Variants in ITGB3 observed in about 807,000 individuals in gnomAD.
ITGB3 encodes the protein integrin beta-3.
ITGB3 carries 48 observed loss-of-function variants against 85.8 expected under a neutral mutation model. That is an observed-to-expected ratio of 0.56 (90% CI 0.44 to 0.71). The LOEUF (loss-of-function observed/expected upper bound fraction) is 0.71. ITGB3 is among the 30% of genes least tolerant of loss of function. The pLI is 0.00. For missense variants in ITGB3, 861 were observed against 1,019.1 expected, an observed-to-expected ratio of 0.84 and a Z score of 2.11; for synonymous variants, 363 against 395.6, an observed-to-expected ratio of 0.92 and a Z score of 0.98.
chr17:47,296,325 C>T (rs2065145781), intron 10 of ITGB3, among the ~76,000 whole-genome samples: 1 of 152,196 alleles, frequency 6.6e-6, no homozygotes, highest in South Asian at 2.1e-4. Flanking sequence ...CCTTGAACTC[C>T]TGGGCTCAAG....
chr17:47,279,089 A>T (rs1432822864), intron 2 of ITGB3, among the ~76,000 whole-genome samples: 1 of 152,334 alleles, frequency 6.6e-6, no homozygotes, highest in East Asian at 1.9e-4. Context: ...ACAACTATTC[A>T]TGTTGTACTT....
In ITGB3 at chr17:47,292,189, G is replaced by T. The variant is rs1439667740; in HGVS notation, c.1311G>T (p.Glu437Asp). Residue 437 changes from glutamate to aspartate, a missense_variant, in exon 10 of 15, where the codon GAG (glutamate) becomes GAT (aspartate). Glu to Asp is a conservative substitution (Grantham distance 45). Coordinates refer to ENST00000559488, the MANE Select transcript of ITGB3 (RefSeq NM_000212.3). ...TGCGAGGCTGTCCCCAGGAGAAGGAGAAGTCCTTTACCATAAAGCCCGTGG... is the reference window on the plus strand; with the variant it reads ...TGCGAGGCTGTCCCCAGGAGAAGGATAAGTCCTTTACCATAAAGCCCGTGG... ...AKVRGCPQEK[E>D]KSFTIKPVGF... 2.5e-6 allele frequency: 4 copies of T among 1,614,122 alleles called. No homozygotes were observed. In the African/African-American group the frequency reaches 5.3e-5, roughly 22 times the overall value.
intron 1 of ITGB3, among the ~76,000 whole-genome samples, chr17:47,267,073 A>G (rs1172208695): frequency 6.6e-6 from 1 of 152,240 alleles, no homozygotes; most frequent in Non-Finnish European, 1.5e-5. Context: ...TTTGAGACTC[A>G]GGATAAAAAC....
chr17:47,292,615 A>G (rs772441500), intron 10 of ITGB3, 47 bp downstream of exon 10: 1 of 1,584,218 alleles, frequency 6.3e-7, no homozygotes, highest in African/African-American at 1.3e-5. Context: ...ACACCCCCTC[A>G]TATACCTGCA....
At chr17:47,302,631 T>C (rs1016757736) in intron 12 of ITGB3, 90 bp from the exon 13 acceptor site, 7 of 1,495,520 alleles carry the variant, frequency 4.7e-6, no homozygotes, top group Middle Eastern at 1.7e-4. Context: ...TGTCACATAC[T>C]TCCCTGGAAG....
At chr17:47,276,518 C>T (rs546977514) in intron 2 of ITGB3, among the ~76,000 whole-genome samples, 1 of 152,260 alleles carries the variant, frequency 6.6e-6, no homozygotes, top group African/African-American at 2.4e-5. Context: ...ATGGGCGCAG[C>T]TAGGACCAAA....
At chr17:47,292,693 T>G in intron 10 of ITGB3, 125 bp downstream of exon 10, 1 of 973,186 alleles carries the variant, frequency 1.0e-6, no homozygotes. Flanking sequence ...CAGTGGTTCC[T>G]AATCTTTTTG....
At chr17:47,254,188 A>G (rs1269413599) in intron 1 of ITGB3, among the ~76,000 whole-genome samples, 1 of 151,916 alleles carries the variant, frequency 6.6e-6, no homozygotes, top group Non-Finnish European at 1.5e-5. Flanking sequence ...AGCCAGGCTG[A>G]GCGCCTTCCC....
Position 47,299,198 on chromosome 17 carries a change from G to A in ITGB3, c.1691-110G>A, listed in dbSNP as rs1567768517. On this transcript the variant is annotated intron_variant, in intron 10 of 14. Coordinates refer to ENST00000559488, the MANE Select transcript of ITGB3 (RefSeq NM_000212.3). This position sits in a 1 kb window ranked among gnomAD's most constrained non-coding sequence, Gnocchi z 5.1. The stretch of plus-strand genomic sequence containing the variant: ...GGTGAGCCAATTCCCTGCCAACCTG[G>A]AGGATCATTATCTGTGTGGTTGGGA... 2 of 1,083,040 alleles carry A rather than the reference G, an allele frequency of 1.8e-6. No homozygotes were observed. The highest frequency in any genetic ancestry group is 2.8e-6 in the Non-Finnish European group (2 of 722,420). The allele number at this position is 1,083,040 out of a possible 1,614,324, so 67.1% of individuals were successfully genotyped here.
At chr17:47,274,883 A>G (rs2065057506) in intron 2 of ITGB3, among the ~76,000 whole-genome samples, 1 of 151,890 alleles carries the variant, frequency 6.6e-6, no homozygotes, top group Non-Finnish European at 1.5e-5. Flanking sequence ...GACATAAGAG[A>G]TCCTCCTACC....
intron 2 of ITGB3, among the ~76,000 whole-genome samples, chr17:47,282,419 T>C (rs1392107163): frequency 6.6e-6 from 1 of 152,216 alleles, no homozygotes; most frequent in Non-Finnish European, 1.5e-5. Context: ...AAACTACTAT[T>C]CTACTTTTTG....
rs2065214362 is a variant in ITGB3 at position 47,311,457 on chromosome 17, G to T, written c.*1253G>T. 6.6e-6 allele frequency: 1 copy of T among 152,524 alleles called. No homozygotes were observed. Among genetic ancestry groups the T allele is most frequent in the African/African-American group, 2.4e-5 (1 of 41,396 alleles). 9.4% of individuals were successfully genotyped at this position (152,524 alleles called of 1,614,324 possible). A position where few individuals can be genotyped will look rare whatever the true frequency, so the allele number is the denominator to read the frequency against. ...TTTATTTTATTTTTCTCATGATGAG[G>T]TTTTCTTAACTTAAAAGAACATGTA... On this transcript the variant is annotated 3_prime_UTR_variant, in exon 15 of 15. Coordinates refer to ENST00000559488, the MANE Select transcript of ITGB3 (RefSeq NM_000212.3).
At chr17:47,271,387 T>C (rs1202307572) in intron 1 of ITGB3, among the ~76,000 whole-genome samples, 1 of 152,226 alleles carries the variant, frequency 6.6e-6, no homozygotes, top group Non-Finnish European at 1.5e-5. Flanking sequence ...TAAAAGATTT[T>C]ATTCAACTTT....
Position 47,302,821 on chromosome 17 carries a change from G to A in ITGB3, c.2115G>A (p.Leu705=). ...AAGATTCTAGTGGAAAGTCCATCCT[G>A]TATGTGGTAGAAGAGCCAGGTGAGT... ...YYEDSSGKSI[L]YVVEEPECPK... Residue 705 remains leucine (L), a synonymous_variant, in exon 13 of 15, where the codon CTG becomes CTA. Transcript: ENST00000559488. The A allele has an allele frequency of 6.2e-7, 1 of 1,614,224 alleles. No individual in the cohort carries two copies. The highest frequency in any genetic ancestry group is 8.5e-7 in the Non-Finnish European group (1 of 1,180,036).
chr17:47,296,457 C>T (rs984146397), intron 10 of ITGB3, among the ~76,000 whole-genome samples: 1 of 152,142 alleles, frequency 6.6e-6, no homozygotes, highest in African/African-American at 2.4e-5. Context: ...TAGTCTTGAA[C>T]TCCTGGGCTC....
chr17:47,299,659 G>A lies in ITGB3; in HGVS notation c.1913+129G>A. 1 of 886,034 alleles carries A rather than the reference G, an allele frequency of 1.1e-6. No individual in the cohort carries two copies. Among genetic ancestry groups the A allele is most frequent in the Non-Finnish European group, 1.8e-6 (1 of 551,210 alleles). 54.9% of individuals were successfully genotyped at this position (886,034 alleles called of 1,614,324 possible). A position where few individuals can be genotyped will look rare whatever the true frequency, so the allele number is the denominator to read the frequency against. ...TAGGGAGAGGAGTCCACTCCAGCCA[G>A]ATGGCTGTCTCTCCTTTTGCCAAAG... On this transcript the variant is annotated intron_variant, in intron 11 of 14. Transcript: ENST00000559488. This position sits in a 1 kb window ranked among gnomAD's most constrained non-coding sequence, Gnocchi z 5.1.
chr17:47,255,565 G>A (rs986076399), intron 1 of ITGB3, among the ~76,000 whole-genome samples: 6 of 152,024 alleles, frequency 3.9e-5, no homozygotes, highest in African/African-American at 1.2e-4. Context: ...GGGATTACAG[G>A]CACGCACCAC....
intron 1 of ITGB3, among the ~76,000 whole-genome samples, chr17:47,269,217 G>C (rs2065035989): frequency 6.6e-6 from 1 of 152,214 alleles, no homozygotes; most frequent in South Asian, 2.1e-4. Context: ...CTACCATGAA[G>C]GTCTCTGACA....
At position 47,253,959 on chromosome 17, in the gene ITGB3, C is replaced by A. The variant is rs1292138647; in HGVS notation, c.79+19C>A. On this transcript the variant is annotated intron_variant, in intron 1 of 14. Coordinates refer to ENST00000559488, the MANE Select transcript of ITGB3 (RefSeq NM_000212.3). ...GTAGGAGGTGAGTGAGGCTCCGGCT[C>A]GGCAGCGTCGCAGCTGCCCCAGGAT... is the stretch of plus-strand genomic sequence containing the variant. The A allele has an allele frequency of 3.6e-6, 5 of 1,391,392 alleles. No homozygotes were observed. Among genetic ancestry groups the A allele is most frequent in the Non-Finnish European group, 4.7e-6 (5 of 1,061,420 alleles). 86.2% of individuals were successfully genotyped at this position (1,391,392 alleles called of 1,614,324 possible).
Sources: allele counts gnomAD v4.1 joint callset (sites outside exome capture counted in the v4.1 genomes callset), GRCh38; gene constraint gnomAD v4.1.1; non-coding constraint Gnocchi (gnomAD v3.1); transcripts MANE v1.5; gene names NCBI Gene and HGNC (gene_info 2026-07-23, HGNC 2026-07-21).